The following KNDC1 variants were observed in gnomAD, a reference collection of about 807,000 sequenced individuals.
KNDC1 encodes kinase non-catalytic C-lobe domain containing 1.
KNDC1 carries 106 observed loss-of-function variants against 172.8 expected under a neutral mutation model. The observed-to-expected ratio is 0.61, with a 90% CI of 0.52 to 0.72. The LOEUF (loss-of-function observed/expected upper bound fraction) is 0.72. KNDC1 is among the 30% of genes least tolerant of loss of function. The probability of loss-of-function intolerance (pLI) is 0.00; values close to 1 mark genes in which losing one functional copy is unlikely to be tolerated. For synonymous variants in KNDC1, 1,083 were observed against 1,062.2 expected, an observed-to-expected ratio of 1.02 and a Z score of -0.38; for missense variants, 2,325 against 2,394.5, an observed-to-expected ratio of 0.97 and a Z score of 0.61.
At chr10:133,174,715 T>C (rs1381957409) in intron 3 of KNDC1, among the ~76,000 whole-genome samples, 1 of 150,102 alleles carries the variant, frequency 6.7e-6, no homozygotes, top group Non-Finnish European at 1.5e-5. Flanking sequence ...GATGGACAGA[T>C]AGATGGTTAA....
chr10:133,190,333 ACTAAACACCCTGCACTAAGCACCC>A (rs1854043804), intron 9 of KNDC1, among the ~76,000 whole-genome samples: 1 of 57,950 alleles, frequency 1.7e-5, no homozygotes, highest in Non-Finnish European at 5.1e-5. Flanking sequence ...AGCACCCTGC[ACTAAACACCCTGCACTAAGCACCC>A]TGCACTAAAC....
chr10:133,183,183 C>T (rs367660427), intron 3 of KNDC1, among the ~76,000 whole-genome samples, 161 bp from the exon 4 acceptor site: 3 of 151,664 alleles, frequency 2.0e-5, no homozygotes, highest in African/African-American at 4.8e-5. Context: ...GGCGTGGGCG[C>T]GGGCGGCAAG....
At chr10:133,193,311 G>T (rs1012398881) in intron 9 of KNDC1, among the ~76,000 whole-genome samples, 1 of 151,930 alleles carries the variant, frequency 6.6e-6, no homozygotes. Flanking sequence ...GATCACCTGA[G>T]GTCAGGAGTT....
In KNDC1 at chr10:133,198,372, G is replaced by C; in HGVS notation, c.1942G>C (p.Ala648Pro). 6.3e-7 allele frequency: 1 copy of C among 1,596,098 alleles called. No individual in the cohort carries two copies. Among genetic ancestry groups the C allele is most frequent in the Non-Finnish European group, 8.5e-7 (1 of 1,172,680 alleles). ...GGTGAACAGCGACACCGGGCTTGTG[G>C]CTGTGCCAGGGCCCGTGCCCGGCCA... Reference protein sequence around the residue: ...LPVNSDTGLVAVPGPVPGQHP... With the variant: ...LPVNSDTGLVPVPGPVPGQHP... Residue 648 changes from alanine (A) to proline (P), a missense_variant, in exon 13 of 30, where the codon GCT (alanine) becomes CCT (proline). Physicochemically the swap from Ala to Pro is conservative, Grantham distance 27. Transcript: ENST00000304613.
chr10:133,195,803 C>G lies in KNDC1; in HGVS notation c.1716C>G (p.Ser572=), dbSNP rs759634622. 1.9e-6 allele frequency: 3 copies of G among 1,572,658 alleles called. No homozygotes were observed. Among genetic ancestry groups the G allele is most frequent in the Non-Finnish European group, 2.6e-6 (3 of 1,160,000 alleles). ...GGCGCAGTGCCCCGGAGCGGCCGTC[C>G]GCGGCTGAGGCCATCAAGGTAACCA... ...MARRSAPERP[S]AAEAIKVCGS... The change falls in exon 10 of 30, where the codon TCC becomes TCG. Residue 572 remains serine (S), a synonymous_variant. Coordinates refer to ENST00000304613, the MANE Select transcript of KNDC1 (RefSeq NM_152643.8).
At chr10:133,184,306 A>ACG (rs1853824026) in intron 5 of KNDC1, among the ~76,000 whole-genome samples, 3 of 144,138 alleles carry the variant, frequency 2.1e-5, no homozygotes, top group East Asian at 2.1e-4. Context: ...CCATGCACAC[A>ACG]CTGCACAACC....
At chr10:133,177,203 GTA>G (rs34281228) in intron 3 of KNDC1, among the ~76,000 whole-genome samples, 42,410 of 151,948 alleles carry the variant, frequency 0.28, 6,434 homozygotes, top group Middle Eastern at 0.36. Context: ...CGTGTATGTA[GTA>G]TAGTGTGTGT....
chr10:133,160,268 CCCCCGCGCA>C lies in KNDC1; in HGVS notation c.-191_-183del, dbSNP rs555794980. Among the ~76,000 whole-genome samples the C allele has an allele frequency of 0.054, 7,639 of 142,030 alleles. 283 individuals are homozygous for C. Among genetic ancestry groups the C allele is most frequent in the African/African-American group, 0.1 (4,078 of 40,436 alleles). 93.2% of individuals were successfully genotyped at this position (142,030 alleles called of 152,430 possible). A position where few individuals can be genotyped will look rare whatever the true frequency, so the allele number is the denominator to read the frequency against. ...GCCGGGTCCGGACAGCGCCGCGCAG[CCCCCGCGCA>C]CCCCGCGCCCCCCGCGCCCCCCGGG... On this transcript the variant is annotated 5_prime_UTR_variant, in exon 1 of 30. Coordinates refer to ENST00000304613, the MANE Select transcript of KNDC1 (RefSeq NM_152643.8).
chr10:133,188,621 T>A lies in KNDC1; in HGVS notation c.1409T>A (p.Leu470His). The A allele has an allele frequency of 6.3e-7, 1 of 1,596,616 alleles. No individual in the cohort carries two copies. Among genetic ancestry groups the A allele is most frequent in the Middle Eastern group, 1.9e-4 (1 of 5,162 alleles). The change falls in exon 7 of 30, where the codon CTC becomes CAC. Residue 470 changes from leucine (L) to histidine (H), a missense_variant. Physicochemically the swap from Leu to His is moderately conservative, Grantham distance 99. Coordinates refer to ENST00000304613, the MANE Select transcript of KNDC1 (RefSeq NM_152643.8). ...YELWALCLAC[L>H]RALQTRPEHP... ...CTGTGGGCCCTGTGCCTGGCCTGCC[T>A]CCGCGCACTGCAGACACGCCCTGAG...
chr10:133,214,225 C>A, intron 26 of KNDC1, 103 bp downstream of exon 26: 1 of 1,248,482 alleles, frequency 8.0e-7, no homozygotes, highest in Non-Finnish European at 1.1e-6. Context: ...TCTCCCAATG[C>A]AGTGAACCCA....
intron 5 of KNDC1, among the ~76,000 whole-genome samples, chr10:133,184,300 GCA>G (rs139359681): frequency 7.7e-5 from 11 of 142,224 alleles, no homozygotes; most frequent in African/African-American, 2.2e-4. Context: ...ACACACCCAT[GCA>G]CACACTGCAC....
intron 3 of KNDC1, among the ~76,000 whole-genome samples, chr10:133,181,558 TGGGCTGCCCCAGGGCACCAGGCA>T (rs1210373549): frequency 8.6e-5 from 13 of 151,944 alleles, no homozygotes; most frequent in Non-Finnish European, 2.9e-5. Flanking sequence ...GTGTGCCAGG[TGGGCTGCCCCAGGGCACCAGGCA>T]GGGTGCAGGA....
intron 9 of KNDC1, among the ~76,000 whole-genome samples, chr10:133,191,941 C>A (rs1340903740): frequency 6.6e-6 from 1 of 152,210 alleles, no homozygotes; most frequent in East Asian, 1.9e-4. Context: ...GAGCCAGGAC[C>A]TTCCTTCCCT....
chr10:133,190,100 A>G (rs1272601813), intron 9 of KNDC1, among the ~76,000 whole-genome samples: 3 of 152,252 alleles, frequency 2.0e-5, no homozygotes, highest in Non-Finnish European at 4.4e-5. Flanking sequence ...CCTGTGAAAC[A>G]TGAGCATTCT....
Position 133,207,157 on chromosome 10 carries a change from G to A in KNDC1, c.3600G>A (p.Trp1200Ter). Reference protein sequence around the residue: ...KYLQVMYAERWGLEPCTLPVI... With the variant: ...KYLQVMYAER ...GGCAGGTCATGTACGCGGAACGCTG[G>A]GGCCTGGAGCCCTGCACCCTCCCAG... The change falls in exon 20 of 30, where the codon TGG becomes TGA. Residue 1200 changes from tryptophan (W) to a stop codon, truncating the protein, a stop_gained. Transcript: ENST00000304613. LOFTEE classifies it high-confidence loss of function. 6.3e-7 allele frequency: 1 copy of A among 1,599,918 alleles called. No homozygotes were observed. Among genetic ancestry groups the A allele is most frequent in the Non-Finnish European group, 8.5e-7 (1 of 1,174,416 alleles).
Position 133,198,390 on chromosome 10 carries a change from C to A in KNDC1, c.1960C>A (p.Pro654Thr). 2.5e-6 allele frequency: 4 copies of A among 1,598,008 alleles called. No homozygotes were observed. The highest frequency in any genetic ancestry group is 3.4e-6 in the Non-Finnish European group (4 of 1,173,570). Residue 654 changes from proline to threonine, a missense_variant, in exon 13 of 30, where the codon CCC (proline) becomes ACC (threonine). Coordinates refer to ENST00000304613, the MANE Select transcript of KNDC1 (RefSeq NM_152643.8). ...TGLVAVPGPV[P>T]GQHPCGEEAT... ...GCTTGTGGCTGTGCCAGGGCCCGTG[C>A]CCGGCCAGCACCCCTGCGGTGAAGA...
At chr10:133,201,411 T>G (rs893514232) in intron 16 of KNDC1, 90 bp from the exon 17 acceptor site, 42 of 1,378,498 alleles carry the variant, frequency 3.0e-5, no homozygotes, top group Non-Finnish European at 7.9e-6. Flanking sequence ...GCGTCGGGTG[T>G]GCAAGCACCA....
intron 26 of KNDC1, 115 bp from the exon 27 acceptor site, chr10:133,218,716 G>A (rs1413588888): frequency 3.8e-6 from 5 of 1,333,068 alleles, no homozygotes; most frequent in South Asian, 1.4e-5. Context: ...TTCCACACAC[G>A]TGATGCAGCA....
rs1362790493 is a variant in KNDC1, at chr10:133,220,125, T to C, written c.5018+13T>C. 6.6e-7 allele frequency: 1 copy of C among 1,514,552 alleles called. No homozygotes were observed. Among genetic ancestry groups the C allele is most frequent in the Non-Finnish European group, 8.9e-7 (1 of 1,120,170 alleles). The allele number at this position is 1,514,552 out of a possible 1,614,324, so 93.8% of individuals were successfully genotyped here. A position where few individuals can be genotyped will look rare whatever the true frequency, so the allele number is the denominator to read the frequency against. On this transcript the variant is annotated intron_variant, in intron 29 of 29. Coordinates refer to ENST00000304613, the MANE Select transcript of KNDC1 (RefSeq NM_152643.8). Reference sequence around the variant, plus strand: ...GGAGCAAGCTCAGGTGAGGAGGGGCTCAGGCGGCCGCGCGCCCAGGAGAGG... The same window carrying C: ...GGAGCAAGCTCAGGTGAGGAGGGGCCCAGGCGGCCGCGCGCCCAGGAGAGG...
Sources: gnomAD v4.1 joint callset for allele counts (sites outside exome capture counted in the v4.1 genomes callset) on GRCh38, gnomAD v4.1.1 for gene constraint, MANE v1.5 for transcripts, NCBI Gene and HGNC (gene_info 2026-07-23, HGNC 2026-07-21) for gene names.